The following SMARCA4 variants were observed in gnomAD, a reference collection of about 807,000 sequenced individuals.
SMARCA4 encodes SWI/SNF-related matrix-associated actin-dependent regulator of chromatin subfamily A member 4.
SMARCA4 carries 31 observed loss-of-function variants against 193.9 expected under a neutral mutation model. The ratio of observed to expected loss-of-function variants is 0.16; its 90% CI spans 0.12 to 0.22. The LOEUF (loss-of-function observed/expected upper bound fraction) is 0.22. Ranked by LOEUF, SMARCA4 falls within the 10% of genes least tolerant of loss-of-function variation. SMARCA4 has a pLI of 1.00. For missense variants in SMARCA4, 1,148 were observed against 2,296.0 expected (o/e 0.50, Z 10.22); for synonymous variants, 942 against 933.1 (o/e 1.01, Z -0.17).
At position 10,981,269 on chromosome 19, in the gene SMARCA4, C is replaced by A. The variant is rs1037955610; in HGVS notation, c.-31-2852C>A. Among the ~76,000 whole-genome samples the A allele has an allele frequency of 1.3e-4, 20 of 152,374 alleles. 1 individual carries two copies. Among genetic ancestry groups the A allele is most frequent in the Admixed American group, 1.2e-3 (18 of 15,302 alleles). ...CCTCCCCCTGCCCTGGCCGTGCCCA[C>A]GTTGCTGGGCTTCCCACCTATGGAG... On this transcript the variant is annotated intron_variant, in intron 1 of 34. Coordinates refer to ENST00000344626, the MANE Select transcript of SMARCA4 (RefSeq NM_003072.5).
Position 10,989,337 on chromosome 19 carries a change from A to G in SMARCA4, c.1139A>G (p.His380Arg). 6.2e-7 allele frequency: 1 copy of G among 1,614,094 alleles called. No homozygotes were observed. The highest frequency in any genetic ancestry group is 8.5e-7 in the Non-Finnish European group (1 of 1,179,998). The change falls in exon 7 of 35, where the codon CAC (histidine) becomes CGC (arginine). Residue 380 changes from histidine to arginine, a missense_variant. His to Arg is a conservative substitution (Grantham distance 29). This residue lies in a region of SMARCA4 where 69 missense variants were observed against 186.9 expected (regional missense o/e 0.37). Transcript: ENST00000344626. ...REYRLQARIA[H>R]RIQELENLPG... ...CCCAGGCTGCAGGCTCGCATCGCAC[A>G]CCGAATTCAGGAACTTGAAAACCTT...
In SMARCA4 at chr19:11,031,063, C is replaced by T. The variant is rs2074895803; in HGVS notation, c.3546+170C>T. 5.8e-6 allele frequency: 4 copies of T among 684,232 alleles called. No individual in the cohort carries two copies. The highest frequency in any genetic ancestry group is 4.4e-5 in the Admixed American group (2 of 45,138). The allele number at this position is 684,232 out of a possible 1,614,324, so 42.4% of individuals were successfully genotyped here. On this transcript the variant is annotated intron_variant, in intron 25 of 34. Coordinates refer to ENST00000344626, the MANE Select transcript of SMARCA4 (RefSeq NM_003072.5). The surrounding 1 kb of genome is among the most constrained non-coding windows in gnomAD (Gnocchi z 4.3). ...CATAGGTCATCAGGGAGAAAAGAGG[C>T]GGGGTCCTCCTGTTTCCCAAAATAC...
intron 8 of SMARCA4, among the ~76,000 whole-genome samples, chr19:10,994,611 C>T (rs2086857243): frequency 6.6e-6 from 1 of 151,956 alleles, no homozygotes; most frequent in Non-Finnish European, 1.5e-5. Context: ...AGCCACTGTG[C>T]CCAGCCCTAA....
At chr19:10,968,336 G>T (rs1214854018) in intron 1 of SMARCA4, among the ~76,000 whole-genome samples, 2 of 152,038 alleles carry the variant, frequency 1.3e-5, no homozygotes, top group African/African-American at 4.8e-5. Flanking sequence ...TTTGCTTTTG[G>T]GGACTCTGTT....
chr19:11,037,779 AAGATCCATTTTG>A (rs1194219484), intron 29 of SMARCA4, among the ~76,000 whole-genome samples: 1 of 152,054 alleles, frequency 6.6e-6, no homozygotes, highest in Non-Finnish European at 1.5e-5. Context: ...AGATCCATGT[AAGATCCATTTTG>A]AGTTAAATTT....
At chr19:10,998,895 CT>C (rs1335988156) in intron 11 of SMARCA4, among the ~76,000 whole-genome samples, 2,416 of 138,358 alleles carry the variant, frequency 0.017, 25 homozygotes, top group Non-Finnish European at 0.027. Flanking sequence ...GTCCTGGTTC[CT>C]TTTTTTTTTT....
intron 13 of SMARCA4, among the ~76,000 whole-genome samples, chr19:11,007,346 C>T (rs182938917): frequency 2.7e-5 from 4 of 150,224 alleles, no homozygotes; most frequent in Non-Finnish European, 5.9e-5. Flanking sequence ...AGGAGAATCG[C>T]TTGAACCTGG....
chr19:10,972,972 G>A (rs1217543716), intron 1 of SMARCA4, among the ~76,000 whole-genome samples: 1 of 152,168 alleles, frequency 6.6e-6, no homozygotes, highest in African/African-American at 2.4e-5. Flanking sequence ...AGCTGGGCAT[G>A]GCGGTGTGCG....
intron 8 of SMARCA4, among the ~76,000 whole-genome samples, chr19:10,993,726 A>G (rs1415894125): frequency 6.6e-6 from 1 of 151,950 alleles, no homozygotes; most frequent in East Asian, 1.9e-4. Context: ...GCTCACTGCA[A>G]GCTCTGCCTG....
rs1044646111 is a variant in SMARCA4 at position 10,985,894 on chromosome 19, A to T, written c.356-295A>T. On this transcript the variant is annotated intron_variant, in intron 3 of 34. Transcript: ENST00000344626. The surrounding 1 kb of genome is among the most constrained non-coding windows in gnomAD (Gnocchi z 4.5). ...GGGCCTGGCGAGCCCGAGGATGTGGACCCCGCCTGTGGACAGGCAGGCGGA... is the reference window on the plus strand; with the variant it reads ...GGGCCTGGCGAGCCCGAGGATGTGGTCCCCGCCTGTGGACAGGCAGGCGGA... Among the ~76,000 whole-genome samples the T allele has an allele frequency of 6.6e-6, 1 of 151,670 alleles. No homozygotes were observed. Among genetic ancestry groups the T allele is most frequent in the Non-Finnish European group, 1.5e-5 (1 of 67,904 alleles).
At position 10,984,355 on chromosome 19, in the gene SMARCA4, C is replaced by T; in HGVS notation, c.204C>T (p.Asn68=). The T allele has an allele frequency of 1.9e-6, 3 of 1,592,522 alleles. No individual in the cohort carries two copies. The highest frequency in any genetic ancestry group is 2.3e-5 in the East Asian group (1 of 43,542). Residue 68 remains asparagine (N), a synonymous_variant, in exon 2 of 35, where the codon AAC becomes AAT. Coordinates refer to ENST00000344626, the MANE Select transcript of SMARCA4 (RefSeq NM_003072.5). The surrounding 1 kb of genome is among the most constrained non-coding windows in gnomAD (Gnocchi z 4.3). ...GGCCTGGAGGGTACCCTCAGGACAA[C>T]ATGCACCAGATGCACAAGGTAGGGA... The part of the protein sequence containing the change: ...TQGPGGYPQD[N]MHQMHKPMES...
intron 1 of SMARCA4, among the ~76,000 whole-genome samples, chr19:10,981,329 C>A (rs1235352914): frequency 6.6e-6 from 1 of 152,236 alleles, no homozygotes; most frequent in Non-Finnish European, 1.5e-5. Flanking sequence ...CAGACATACC[C>A]ATGGACCAGA....
chr19:10,967,909 C>T (rs1378557575), intron 1 of SMARCA4, among the ~76,000 whole-genome samples: 1 of 149,476 alleles, frequency 6.7e-6, no homozygotes, highest in African/African-American at 2.5e-5. Context: ...CGGAGTCTTG[C>T]TTAGTTGCCC....
At chr19:11,050,348 T>C (rs975320119) in intron 30 of SMARCA4, among the ~76,000 whole-genome samples, 1 of 152,218 alleles carries the variant, frequency 6.6e-6, no homozygotes, top group African/African-American at 2.4e-5. Context: ...CTGTGGTTAC[T>C]GTAGGAGGGA....
rs191243319 is a variant in SMARCA4, at chr19:11,059,440, A to G, written c.4636-313A>G. ...ATGCTGGCTTCAACAAGGGGCATGT[A>G]TTTCCAATGTTATTGCAGACCTCAG... On this transcript the variant is annotated intron_variant, in intron 32 of 34. Coordinates refer to ENST00000344626, the MANE Select transcript of SMARCA4 (RefSeq NM_003072.5). Among the ~76,000 whole-genome samples the G allele has an allele frequency of 1.9e-3, 286 of 152,346 alleles. 2 individuals carry two copies. Among genetic ancestry groups the G allele is most frequent in the African/African-American group, 6.6e-3 (273 of 41,588 alleles).
Position 10,989,380 on chromosome 19 carries a change from G to A in SMARCA4, c.1182G>A (p.Gly394=), listed in dbSNP as rs760199461. 5 of 1,614,202 alleles carry A rather than the reference G, an allele frequency of 3.1e-6. No individual in the cohort carries two copies. The highest frequency in any genetic ancestry group is 3.4e-6 in the Non-Finnish European group (4 of 1,180,028). Residue 394 remains glycine, a synonymous_variant, in exon 7 of 35, where the codon GGG becomes GGA. Transcript: ENST00000344626. Reference sequence around the variant, plus strand: ...AAAACCTTCCCGGGTCCCTGGCCGGGGATTTGCGAACCAAAGCGACCATTG... The same window carrying A: ...AAAACCTTCCCGGGTCCCTGGCCGGAGATTTGCGAACCAAAGCGACCATTG... The part of the protein sequence containing the change: ...ELENLPGSLA[G]DLRTKATIEL...
In SMARCA4 at chr19:11,021,650, C is replaced by T. The variant is rs1050876899; in HGVS notation, c.2617-75C>T. Reference sequence around the variant, plus strand: ...CTGGAGCCTTCCTGGCTGCTGGGCGCAGAGTGGGAGATTCTCCCCATGTGC... The same window carrying T: ...CTGGAGCCTTCCTGGCTGCTGGGCGTAGAGTGGGAGATTCTCCCCATGTGC... On this transcript the variant is annotated intron_variant, in intron 18 of 34. Coordinates refer to ENST00000344626, the MANE Select transcript of SMARCA4 (RefSeq NM_003072.5). 11 of 1,535,922 alleles carry T rather than the reference C, an allele frequency of 7.2e-6. No individual in the cohort carries two copies. In the African/African-American group the frequency reaches 1.4e-4, roughly 19 times the overall value.
At chr19:11,028,113 G>A (rs1168457356) in intron 24 of SMARCA4, among the ~76,000 whole-genome samples, 163 bp downstream of exon 24, 1 of 152,180 alleles carries the variant, frequency 6.6e-6, no homozygotes, top group Admixed American at 6.5e-5. Flanking sequence ...TTGGGCACTC[G>A]GCACTGGGAC....
chr19:11,024,741 G>T (rs2090127162), intron 21 of SMARCA4, among the ~76,000 whole-genome samples: 1 of 152,132 alleles, frequency 6.6e-6, no homozygotes, highest in Non-Finnish European at 1.5e-5. Flanking sequence ...TTAAGTGAAA[G>T]GAAGGGAGCG....
Sources: gnomAD v4.1 joint callset for allele counts (sites outside exome capture counted in the v4.1 genomes callset) on GRCh38, gnomAD v4.1.1 for gene constraint, gnomAD v4.1.1 regional missense constraint, Gnocchi (gnomAD v3.1) non-coding constraint, MANE v1.5 for transcripts, NCBI Gene and HGNC (gene_info 2026-07-23, HGNC 2026-07-21) for gene names.